The following THRB variants were observed in gnomAD, a reference collection of about 807,000 sequenced individuals.
The protein encoded by THRB is thyroid hormone receptor beta.
In THRB, 12 loss-of-function variants were observed where a neutral mutation model predicts 47.8. That is an observed-to-expected ratio of 0.25 (90% CI 0.16 to 0.41). THRB has a LOEUF of 0.41. Among genes scored for constraint, THRB ranks in the 10% least tolerant of loss-of-function variants. THRB has a pLI of 1.00. For missense variants in THRB, 348 were observed against 589.2 expected, an observed-to-expected ratio of 0.59 and a Z score of 4.24; for synonymous variants, 218 against 212.2, an observed-to-expected ratio of 1.03 and a Z score of -0.24.
chr3:24,269,607 T>A (rs1444974301), intron 3 of THRB, among the ~76,000 whole-genome samples: 1 of 147,312 alleles, frequency 6.8e-6, no homozygotes, highest in Non-Finnish European at 1.5e-5. Flanking sequence ...TAATTTTTTT[T>A]TTTTTTTTTG....
intron 1 of THRB, among the ~76,000 whole-genome samples, chr3:24,471,165 C>G (rs1303304245): frequency 6.6e-6 from 1 of 152,192 alleles, no homozygotes; most frequent in Non-Finnish European, 1.5e-5. Flanking sequence ...TAGAATTGTT[C>G]TTCTAATGCA....
At chr3:24,244,151 G>C (rs1320209372) in intron 3 of THRB, among the ~76,000 whole-genome samples, 1 of 152,042 alleles carries the variant, frequency 6.6e-6, no homozygotes, top group African/African-American at 2.4e-5. Flanking sequence ...GGTGGATGAA[G>C]GTATCCTGAA....
chr3:24,331,217 G>GAAAATATGA (rs1386970935), intron 2 of THRB, among the ~76,000 whole-genome samples: 1 of 151,914 alleles, frequency 6.6e-6, no homozygotes, highest in African/African-American at 2.4e-5. Flanking sequence ...ATACGTTTAT[G>GAAAATATGA]AAAATATGAT....
intron 1 of THRB, among the ~76,000 whole-genome samples, chr3:24,482,774 T>C (rs1374803983): frequency 6.6e-6 from 1 of 152,204 alleles, no homozygotes; most frequent in Non-Finnish European, 1.5e-5. Context: ...ACACTGGGGA[T>C]TGACAGCATT....
chr3:24,187,881 C>G (rs77423023), intron 5 of THRB, among the ~76,000 whole-genome samples: 2,792 of 152,228 alleles, frequency 0.018, 90 homozygotes, highest in African/African-American at 0.064. Context: ...GTTTCTTGGA[C>G]CAAGATGACA....
intron 4 of THRB, among the ~76,000 whole-genome samples, chr3:24,198,215 G>A (rs143460813): frequency 3.3e-5 from 5 of 152,248 alleles, no homozygotes; most frequent in South Asian, 2.1e-4. Context: ...TGGAATATTC[G>A]GACAAGGGAG....
At chr3:24,256,785 A>G (rs1559751437) in intron 3 of THRB, among the ~76,000 whole-genome samples, 1 of 152,198 alleles carries the variant, frequency 6.6e-6, no homozygotes, top group Non-Finnish European at 1.5e-5. Flanking sequence ...TTATTTGATG[A>G]GAGCAAGGGA....
At chr3:24,477,484 G>T (rs1026681422) in intron 1 of THRB, among the ~76,000 whole-genome samples, 14 of 152,108 alleles carry the variant, frequency 9.2e-5, no homozygotes, top group Non-Finnish European at 1.8e-4. Flanking sequence ...GGTTCAGCAG[G>T]TCTGGGCTGG....
chr3:24,274,245 T>C (rs1292111873), intron 3 of THRB, among the ~76,000 whole-genome samples: 1 of 152,194 alleles, frequency 6.6e-6, no homozygotes, highest in Non-Finnish European at 1.5e-5. Context: ...TCACTTGCCA[T>C]GAATAGCATC....
At chr3:24,205,983 G>A (rs1433351478) in intron 4 of THRB, among the ~76,000 whole-genome samples, 1 of 152,170 alleles carries the variant, frequency 6.6e-6, no homozygotes, top group African/African-American at 2.4e-5. Flanking sequence ...TAATACAGGA[G>A]CACCCAGATT....
In THRB at chr3:24,168,941, A is replaced by C. The variant is rs911760551; in HGVS notation, c.284-16451T>G. On this transcript the variant is annotated intron_variant, in intron 5 of 10. Transcript: ENST00000646209. Reference sequence around the variant, plus strand: ...CAGAAGAGGTGACCAGTGAGCTGGAAGAGTATGTAGGACATCATCAGTGGA... The same window carrying C: ...CAGAAGAGGTGACCAGTGAGCTGGACGAGTATGTAGGACATCATCAGTGGA... Among the ~76,000 whole-genome samples the C allele has an allele frequency of 8.5e-5, 13 of 152,220 alleles. No homozygotes were observed. The East Asian group carries it at 2.5e-3, about 29-fold the overall frequency.
chr3:24,341,856 CA>C (rs2062677200), intron 1 of THRB, among the ~76,000 whole-genome samples: 1 of 152,030 alleles, frequency 6.6e-6, no homozygotes, highest in South Asian at 2.1e-4. Flanking sequence ...AGTTGACTCA[CA>C]TCAGTTGTCT....
At chr3:24,430,191 A>T (rs1011561756) in intron 1 of THRB, 2 of 152,138 alleles carry the variant, frequency 1.3e-5, no homozygotes, top group Non-Finnish European at 2.9e-5. Context: ...TAAGCAAAGT[A>T]TGAAATGAAA....
chr3:24,378,643 A>G (rs2065468612), intron 1 of THRB, among the ~76,000 whole-genome samples: 1 of 152,188 alleles, frequency 6.6e-6, no homozygotes, highest in African/African-American at 2.4e-5. Context: ...GAAGGGGAGC[A>G]GTTGAGAAAG....
At chr3:24,186,107 T>C (rs2042539281) in intron 5 of THRB, among the ~76,000 whole-genome samples, 1 of 152,310 alleles carries the variant, frequency 6.6e-6, no homozygotes, top group Admixed American at 6.5e-5. Context: ...GGCAGACCCT[T>C]TCCTGTGCAA....
At chr3:24,410,527 TA>T (rs2150169128) in intron 1 of THRB, among the ~76,000 whole-genome samples, 1 of 151,844 alleles carries the variant, frequency 6.6e-6, no homozygotes, top group East Asian at 2.0e-4. Context: ...CCTTTGACAA[TA>T]AAAAACAAAT....
intron 1 of THRB, among the ~76,000 whole-genome samples, chr3:24,427,449 T>C (rs936823338): frequency 1.2e-4 from 19 of 152,180 alleles, no homozygotes; most frequent in South Asian, 1.2e-3. Context: ...TAGTAACCAG[T>C]TAACGTAGCT....
chr3:24,426,371 A>C (rs2069762386), intron 1 of THRB, among the ~76,000 whole-genome samples: 1 of 151,972 alleles, frequency 6.6e-6, no homozygotes, highest in Admixed American at 6.6e-5. Flanking sequence ...CAAACCCAGG[A>C]CATACTCTGG....
At chr3:24,128,770 C>T (rs545547812) in intron 9 of THRB, among the ~76,000 whole-genome samples, 1 of 11,248 alleles carries the variant, frequency 8.9e-5, no homozygotes, top group Non-Finnish European at 1.9e-4. Flanking sequence ...TGGGTGGGGG[C>T]GGGGGTGGTC....
Sources: gnomAD v4.1 joint callset for allele counts (sites outside exome capture counted in the v4.1 genomes callset) on GRCh38, gnomAD v4.1.1 for gene constraint, MANE v1.5 for transcripts, NCBI Gene and HGNC (gene_info 2026-07-23, HGNC 2026-07-21) for gene names.